Variants in KAZN observed in about 807,000 individuals in gnomAD.
The protein encoded by KAZN is kazrin, periplakin interacting protein, also known as kazrin.
A neutral mutation model predicts 87.4 loss-of-function variants in KAZN; 40 were observed. That is an observed-to-expected ratio of 0.46 (90% CI 0.36 to 0.60). KAZN has a LOEUF of 0.60. Ranked by LOEUF, KAZN falls within the 20% of genes least tolerant of loss-of-function variation. The pLI is 0.00. For missense variants in KAZN, 898 were observed against 1,073.9 expected (o/e 0.84, Z 2.29); for synonymous variants, 466 against 458.3 (o/e 1.02, Z -0.22).
At chr1:14,164,001 C>T (rs1276540271) in intron 1 of KAZN, among the ~76,000 whole-genome samples, 1 of 152,188 alleles carries the variant, frequency 6.6e-6, no homozygotes, top group Non-Finnish European at 1.5e-5. Flanking sequence ...ATACTCTTCT[C>T]TGACGTCCTC....
intron 1 of KAZN, among the ~76,000 whole-genome samples, chr1:14,838,012 G>C (rs1647473718): frequency 6.6e-6 from 1 of 151,816 alleles, no homozygotes; most frequent in Non-Finnish European, 1.5e-5. Flanking sequence ...TTATAAAGAA[G>C]AACAGGAACT....
Position 13,908,583 on chromosome 1 carries a change from GT to G in KAZN, c.91+14828del, listed in dbSNP as rs1423686319. Among the ~76,000 whole-genome samples the G allele has an allele frequency of 7.9e-5, 12 of 152,342 alleles. No individual in the cohort carries two copies. In the East Asian group the frequency reaches 2.3e-3, roughly 29 times the overall value. On this transcript the variant is annotated intron_variant, in intron 1 of 16. Transcript: ENST00000636203. ...CAGTTGGAAACGGAAACTTGGAGCC[GT>G]GTCGAAGCCAGATGGCAGCCAGCAG...
rs1037799534 is a variant in KAZN at position 15,117,085 on chromosome 1, G to A, written c.*2450G>A. 1.3e-5 allele frequency: 2 copies of A among 152,372 alleles called. No individual in the cohort carries two copies. Among genetic ancestry groups the A allele is most frequent in the East Asian group, 3.9e-4 (2 of 5,188 alleles). The allele number at this position is 152,372 out of a possible 1,614,324, so 9.4% of individuals were successfully genotyped here. ...AACAACCTCCACAGTATCAGATTGA[G>A]TGAGCTTTGTCTGCTGGAAAAACCT... On this transcript the variant is annotated 3_prime_UTR_variant, in exon 15 of 15. Transcript: ENST00000376030.
intron 1 of KAZN, among the ~76,000 whole-genome samples, chr1:14,690,468 C>T (rs934398578): frequency 6.6e-6 from 1 of 152,202 alleles, no homozygotes; most frequent in African/African-American, 2.4e-5. Context: ...CACATAATGA[C>T]AGTCCTCCTC....
At chr1:14,165,645 C>T (rs528713288) in intron 1 of KAZN, among the ~76,000 whole-genome samples, 1 of 152,196 alleles carries the variant, frequency 6.6e-6, no homozygotes, top group Non-Finnish European at 1.5e-5. Context: ...TCCTTAGATG[C>T]TTTCTGAGAA....
chr1:14,741,838 A>C (rs1644108343), intron 1 of KAZN, among the ~76,000 whole-genome samples: 1 of 152,198 alleles, frequency 6.6e-6, no homozygotes, highest in African/African-American at 2.4e-5. Context: ...TTTTATGAGA[A>C]ACTGATGAGG....
chr1:14,378,506 C>G, intron 2 of KAZN, among the ~76,000 whole-genome samples: 1 of 152,220 alleles, frequency 6.6e-6, no homozygotes, highest in East Asian at 1.9e-4. Context: ...GAGTCTTAAA[C>G]TGTCGACATT....
intron 2 of KAZN, among the ~76,000 whole-genome samples, chr1:14,402,014 AAAAG>A (rs1663451678): frequency 6.6e-6 from 1 of 151,996 alleles, no homozygotes; most frequent in African/African-American, 2.4e-5. Context: ...TAATACAAGT[AAAAG>A]AAATAGATAG....
At chr1:13,923,809 C>T (rs76243963) in intron 1 of KAZN, among the ~76,000 whole-genome samples, 4,433 of 151,960 alleles carry the variant, frequency 0.029, 143 homozygotes, top group East Asian at 0.15. Context: ...TAAGTGGACC[C>T]ATGCAGTTCA....
intron 1 of KAZN, among the ~76,000 whole-genome samples, chr1:13,944,380 A>G (rs1641055174): frequency 1.3e-5 from 2 of 152,212 alleles, no homozygotes; most frequent in Non-Finnish European, 2.9e-5. Context: ...ATGGGAATGG[A>G]GATTAACTGT....
At chr1:14,620,127 GTA>G (rs1166840409) in intron 1 of KAZN, among the ~76,000 whole-genome samples, 1 of 152,158 alleles carries the variant, frequency 6.6e-6, no homozygotes, top group Non-Finnish European at 1.5e-5. Context: ...TAGGATCTAT[GTA>G]TATATGCGTA....
intron 8 of KAZN, among the ~76,000 whole-genome samples, chr1:15,071,690 T>C (rs572077936): frequency 1.3e-5 from 2 of 152,292 alleles, no homozygotes; most frequent in East Asian, 3.9e-4. Context: ...CCCAACAGGA[T>C]TGATCCAAGA....
At chr1:14,657,596 C>T (rs1026063402) in intron 1 of KAZN, among the ~76,000 whole-genome samples, 1 of 152,186 alleles carries the variant, frequency 6.6e-6, no homozygotes, top group African/African-American at 2.4e-5. Context: ...GTTTAGGAGG[C>T]ATCTCCCTAT....
At chr1:14,308,970 A>G (rs955670139) in intron 2 of KAZN, among the ~76,000 whole-genome samples, 1 of 152,244 alleles carries the variant, frequency 6.6e-6, no homozygotes, top group African/African-American at 2.4e-5. Flanking sequence ...AATGTGTTTA[A>G]CAAGAATTAA....
At chr1:14,359,758 T>C (rs959291365) in intron 2 of KAZN, among the ~76,000 whole-genome samples, 3 of 152,238 alleles carry the variant, frequency 2.0e-5, no homozygotes, top group African/African-American at 4.8e-5. Flanking sequence ...ATGTTGAATA[T>C]TGGCCCTCAC....
At chr1:14,045,175 C>G (rs573904415) in intron 1 of KAZN, among the ~76,000 whole-genome samples, 2 of 152,288 alleles carry the variant, frequency 1.3e-5, no homozygotes, top group East Asian at 3.9e-4. Context: ...AGAGCCCTTC[C>G]TGAATTCCAG....
chr1:14,644,656 G>A (rs1357103708), intron 1 of KAZN, among the ~76,000 whole-genome samples: 2 of 152,156 alleles, frequency 1.3e-5, no homozygotes, highest in East Asian at 1.9e-4. Context: ...CCACCGTGCC[G>A]GGCCTTCTCT....
At chr1:14,066,360 G>C (rs1643009229) in intron 1 of KAZN, among the ~76,000 whole-genome samples, 1 of 152,082 alleles carries the variant, frequency 6.6e-6, no homozygotes, top group Non-Finnish European at 1.5e-5. Flanking sequence ...GGATCGAACG[G>C]TAGATCTACC....
chr1:15,083,276 G>A (rs1283102958), intron 8 of KAZN, among the ~76,000 whole-genome samples: 2 of 152,180 alleles, frequency 1.3e-5, no homozygotes, highest in Non-Finnish European at 2.9e-5. Context: ...GGTGGAGGGG[G>A]GACTGTTTCA....
Sources: allele counts gnomAD v4.1 joint callset (sites outside exome capture counted in the v4.1 genomes callset), GRCh38; gene constraint gnomAD v4.1.1; transcripts MANE v1.5; gene names NCBI Gene and HGNC (gene_info 2026-07-23, HGNC 2026-07-21).